Variants in KDM6B observed in about 807,000 individuals in gnomAD.
The protein encoded by KDM6B is lysine demethylase 6B, also known as lysine-specific demethylase 6B.
A neutral mutation model predicts 150.4 loss-of-function variants in KDM6B; 22 were observed. That is an observed-to-expected ratio of 0.15 (90% CI 0.10 to 0.21). The LOEUF is 0.21. Among genes scored for constraint, KDM6B ranks in the 10% least tolerant of loss-of-function variants. The probability of loss-of-function intolerance (pLI) is 1.00; values close to 1 mark genes in which losing one functional copy is unlikely to be tolerated. For missense variants in KDM6B, 1,984 were observed against 2,234.3 expected (o/e 0.89, Z 2.26); for synonymous variants, 1,148 against 921.1 (o/e 1.25, Z -4.46).
At position 7,849,569 on chromosome 17, in the gene KDM6B, C is replaced by T; in HGVS notation, c.3281C>T (p.Ser1094Leu). The change falls in exon 12 of 24, where the codon TCA becomes TTA. Residue 1094 changes from serine to leucine, a missense_variant. Ser to Leu is a moderately radical substitution (Grantham distance 145). This residue lies in a region of KDM6B where 1,379 missense variants were observed against 1,275.6 expected (regional missense o/e 1.08). Transcript: ENST00000448097. ...CGGGCCGACATGCTGAAGCTGCGCTCACTTAGTGAGGGGCCCCCCAAGGAG... is the reference window on the plus strand; with the variant it reads ...CGGGCCGACATGCTGAAGCTGCGCTTACTTAGTGAGGGGCCCCCCAAGGAG... ...VSRADMLKLR[S>L]LSEGPPKELK... The T allele has an allele frequency of 1.2e-6, 2 of 1,612,800 alleles. No homozygotes were observed. The highest frequency in any genetic ancestry group is 1.7e-6 in the Non-Finnish European group (2 of 1,179,976).
chr17:7,835,404 G>A (rs1002680139), intron 1 of KDM6B, among the ~76,000 whole-genome samples: 15 of 152,236 alleles, frequency 9.9e-5, no homozygotes, highest in Admixed American at 2.6e-4. Context: ...GCCCTGGGAG[G>A]AAGGCGGGGA....
rs967506082 is a variant in KDM6B, at chr17:7,853,552, C to T, written c.*31C>T. 6.5e-5 allele frequency: 92 copies of T among 1,407,748 alleles called. No homozygotes were observed. The highest frequency in any genetic ancestry group is 8.3e-5 in the Non-Finnish European group (90 of 1,081,382). The allele number at this position is 1,407,748 out of a possible 1,614,324, so 87.2% of individuals were successfully genotyped here. ...GACGCCCCGCCCGCCTGCCTGCCCG[C>T]GCAAGGCGCCGCGGGGCCACCAGCA... On this transcript the variant is annotated 3_prime_UTR_variant, in exon 24 of 24. Coordinates refer to ENST00000448097, the MANE Select transcript of KDM6B (RefSeq NM_001348716.2).
Position 7,853,142 on chromosome 17 carries a change from C to T in KDM6B, c.4737+16C>T. ...CGAGTGCGATGTGAGTGGGCCGGCTCTGCTGCTCTCCCTGAGTGTCCACAG... is the reference window on the plus strand; with the variant it reads ...CGAGTGCGATGTGAGTGGGCCGGCTTTGCTGCTCTCCCTGAGTGTCCACAG... On this transcript the variant is annotated intron_variant, in intron 22 of 23. Coordinates refer to ENST00000448097, the MANE Select transcript of KDM6B (RefSeq NM_001348716.2). The T allele has an allele frequency of 1.2e-6, 2 of 1,614,114 alleles. No homozygotes were observed. Among genetic ancestry groups the T allele is most frequent in the Non-Finnish European group, 1.7e-6 (2 of 1,180,008 alleles).
In KDM6B at chr17:7,843,452, T is replaced by G. The variant is rs1227985256; in HGVS notation, c.-268-1449T>G. Among the ~76,000 whole-genome samples the G allele has an allele frequency of 6.6e-6, 1 of 151,878 alleles. No individual in the cohort carries two copies. The highest frequency in any genetic ancestry group is 6.6e-5 in the Admixed American group (1 of 15,266). On this transcript the variant is annotated intron_variant, in intron 2 of 23. Transcript: ENST00000448097. This position sits in a 1 kb window ranked among gnomAD's most constrained non-coding sequence, Gnocchi z 4.5. The stretch of plus-strand genomic sequence containing the variant: ...GCGACCACAAGGGCTTGGCGGAGAG[T>G]GGCACGCAGGGACCTGTAGGGTCCA...
Position 7,849,736 on chromosome 17 carries a change from G to C in KDM6B, c.3440+8G>C, listed in dbSNP as rs143261559. 2 of 1,612,382 alleles carry C rather than the reference G, an allele frequency of 1.2e-6. No individual in the cohort carries two copies. The highest frequency in any genetic ancestry group is 2.7e-5 in the African/African-American group (2 of 75,010). On this transcript the variant is annotated splice_region_variant and intron_variant, in intron 12 of 23. Coordinates refer to ENST00000448097, the MANE Select transcript of KDM6B (RefSeq NM_001348716.2). Reference sequence around the variant, plus strand: ...CGTCGTGCGCGCCAGCAGGTGAGTCGGCTGCCTGCTTGCTTGTCCCGGAGA... The same window carrying C: ...CGTCGTGCGCGCCAGCAGGTGAGTCCGCTGCCTGCTTGCTTGTCCCGGAGA...
Position 7,850,146 on chromosome 17 carries a change from G to A in KDM6B, c.3642G>A (p.Val1214=), listed in dbSNP as rs1421328720. The A allele has an allele frequency of 1.2e-6, 2 of 1,613,650 alleles. No individual in the cohort carries two copies. The highest frequency in any genetic ancestry group is 1.1e-5 in the South Asian group (1 of 91,088). ...CAGACCCTCGAAATCCCATCACAGT[G>A]ATCCGGGGCCTGGCGGGCTCCCTGC... ...FCTDPRNPIT[V]IRGLAGSLRL... The change falls in exon 14 of 24, where the codon GTG becomes GTA. Residue 1214 remains valine, a synonymous_variant. Coordinates refer to ENST00000448097, the MANE Select transcript of KDM6B (RefSeq NM_001348716.2).
intron 1 of KDM6B, 40 bp from the exon 2 acceptor site, chr17:7,839,866 C>T (rs2078388403): frequency 6.6e-6 from 1 of 152,410 alleles, no homozygotes; most frequent in South Asian, 2.1e-4. Flanking sequence ...AATTCTCCAT[C>T]CTGGAAGACC....
rs1460923406 is a variant in KDM6B, at chr17:7,851,997, C to G, written c.4212C>G (p.Gly1404=). 1 of 1,614,100 alleles carries G rather than the reference C, an allele frequency of 6.2e-7. No individual in the cohort carries two copies. The highest frequency in any genetic ancestry group is 1.7e-5 in the Admixed American group (1 of 60,022). ...TCTGCTCCGTCAACATCAACATTGG[C>G]CCAGGCGACTGCGAGTGGTTCGCGG... The part of the protein sequence containing the change: ...NNFCSVNINI[G]PGDCEWFAVH... Residue 1404 remains glycine (G), a synonymous_variant, in exon 19 of 24, where the codon GGC becomes GGG. Transcript: ENST00000448097.
In KDM6B at chr17:7,843,637, A is replaced by G. The variant is rs954765991; in HGVS notation, c.-268-1264A>G. 1.3e-5 allele frequency among the ~76,000 whole-genome samples: 2 copies of G among 149,142 alleles called. No homozygotes were observed. The highest frequency in any genetic ancestry group is 2.1e-4 in the South Asian group (1 of 4,702). ...AGCCACCCCCAGCCCCTCGTCGCGC[A>G]CTCTCCCCCGGCTTCCTGCCCGGCG... On this transcript the variant is annotated intron_variant, in intron 2 of 23. Coordinates refer to ENST00000448097, the MANE Select transcript of KDM6B (RefSeq NM_001348716.2). The surrounding 1 kb of genome is among the most constrained non-coding windows in gnomAD (Gnocchi z 4.5).
intron 7 of KDM6B, 29 bp from the exon 8 acceptor site, chr17:7,846,371 G>GGGGGGGGGGCCGGGGCCCCCCCCC: frequency 1.3e-6 from 2 of 1,488,924 alleles, no homozygotes; most frequent in Non-Finnish European, 1.8e-6. Flanking sequence ...CCTGACATCT[G>GGGGGGGGGGCCGGGGCCCCCCCCC]CCCCTGCCCC....
chr17:7,849,996 G>C (rs1471994121), intron 13 of KDM6B, 49 bp downstream of exon 13: 1 of 1,613,566 alleles, frequency 6.2e-7, no homozygotes, highest in Non-Finnish European at 8.5e-7. Context: ...AGGGTTCTAA[G>C]ACAGTGTTGG....
rs142934776 is a variant in KDM6B at position 7,848,765 on chromosome 17, C to G, written c.2477C>G (p.Ser826Cys). Residue 826 changes from serine to cysteine, a missense_variant, in exon 12 of 24, where the codon TCC becomes TGC. Ser to Cys is a moderately radical substitution (Grantham distance 112, BLOSUM62 -1). Coordinates refer to ENST00000448097, the MANE Select transcript of KDM6B (RefSeq NM_001348716.2). Reference sequence around the variant, plus strand: ...TATCGGGGGACTGGAGCAGCTGTTTCCACCCGGCCTGGGCCCTTGCCCACC... The same window carrying G: ...TATCGGGGGACTGGAGCAGCTGTTTGCACCCGGCCTGGGCCCTTGCCCACC... ...YCYRGTGAAV[S>C]TRPGPLPTTQ... is the part of the protein sequence containing the mutation. The G allele has an allele frequency of 1.3e-4, 206 of 1,612,880 alleles. 2 individuals are homozygous for G. The Middle Eastern group carries it at 9.1e-3, about 71-fold the overall frequency.
intron 4 of KDM6B, 39 bp downstream of exon 4, chr17:7,845,495 C>T (rs1000023204): frequency 6.2e-7 from 1 of 1,608,920 alleles, no homozygotes; most frequent in South Asian, 1.1e-5. Context: ...TGGATGTACA[C>T]TGGCAGCTCT....
At position 7,847,688 on chromosome 17, in the gene KDM6B, C is replaced by T; in HGVS notation, c.1400C>T (p.Ser467Leu). 6.4e-7 allele frequency: 1 copy of T among 1,559,842 alleles called. No individual in the cohort carries two copies. The highest frequency in any genetic ancestry group is 1.4e-5 in the African/African-American group (1 of 72,602). The change falls in exon 12 of 24, where the codon TCA becomes TTA. Residue 467 changes from serine (S) to leucine (L), a missense_variant. Ser to Leu is a moderately radical substitution (Grantham distance 145). Around this residue, in one of 13 missense-constraint regions of KDM6B, gnomAD observed 1,379 missense variants for 1,275.6 expected, o/e 1.08. Transcript: ENST00000448097. ...CTATCCCTGCCACCTGGACCTTCCT[C>T]ACCCCCTCCACCCCCCTGTCCCCGC... ...PHLSLPPGPSSPPPPPCPRLL... is the reference protein window; with the variant it reads ...PHLSLPPGPSLPPPPPCPRLL...
rs767869008 is a variant in KDM6B, at chr17:7,845,942, C to T, written c.208C>T (p.His70Tyr). ...LPPSHGSSSG[H>Y]PSKPYYAPGA... ...CCCTTCACATGGCAGTAGTTCTGGG[C>T]ACCCCAGCAAACCATATTATGCTCC... The change falls in exon 6 of 24, where the codon CAC becomes TAC. Residue 70 changes from histidine (H) to tyrosine (Y), a missense_variant. His to Tyr is a moderately conservative substitution (Grantham distance 83). Around this residue, in one of 13 missense-constraint regions of KDM6B, gnomAD observed 337 missense variants for 323.9 expected, o/e 1.04. Transcript: ENST00000448097. The T allele has an allele frequency of 3.1e-6, 5 of 1,613,874 alleles. No individual in the cohort carries two copies. The highest frequency in any genetic ancestry group is 3.4e-6 in the Non-Finnish European group (4 of 1,179,870).
Position 7,854,766 on chromosome 17 carries a change from A to T in KDM6B, c.*1245A>T. ...TTTTCGGTGATTTTTGTGTGAGAAT[A>T]TTAATATTAAAAATAAACGGAGAAA... is the stretch of plus-strand genomic sequence containing the variant. On this transcript the variant is annotated 3_prime_UTR_variant, in exon 24 of 24. Transcript: ENST00000448097. 3.1e-6 allele frequency: 1 copy of T among 320,104 alleles called. No homozygotes were observed. Among genetic ancestry groups the T allele is most frequent in the African/African-American group, 2.1e-5 (1 of 46,732 alleles). The allele number at this position is 320,104 out of a possible 1,614,324, so 19.8% of individuals were successfully genotyped here. A position where few individuals can be genotyped will look rare whatever the true frequency, so the allele number is the denominator to read the frequency against.
In KDM6B at chr17:7,845,882, A is replaced by G; in HGVS notation, c.148A>G (p.Ser50Gly). ...TCCTTCTCTCTCCAGATGCTCAGCC[A>G]GCATTGGGCAGCCCCCGCTTCCTGC... ...AWLPGGRCSASIGQPPLPAPL... is the reference protein window; with the variant it reads ...AWLPGGRCSAGIGQPPLPAPL... Residue 50 changes from serine (S) to glycine (G), a missense_variant, in exon 6 of 24, where the codon AGC (serine) becomes GGC (glycine). Physicochemically the swap from Ser to Gly is moderately conservative, Grantham distance 56 (BLOSUM62 0). Transcript: ENST00000448097. 2 of 1,613,800 alleles carry G rather than the reference A, an allele frequency of 1.2e-6. No individual in the cohort carries two copies. The highest frequency in any genetic ancestry group is 1.7e-6 in the Non-Finnish European group (2 of 1,179,704).
chr17:7,838,176 C>T (rs1400293311), intron 1 of KDM6B, among the ~76,000 whole-genome samples: 1 of 95,302 alleles, frequency 1.0e-5, no homozygotes, highest in Non-Finnish European at 2.1e-5. Flanking sequence ...GGGGACAGGG[C>T]TAGGCTGAGG....
chr17:7,848,680 C>T lies in KDM6B; in HGVS notation c.2392C>T (p.Pro798Ser), dbSNP rs568165584. ...GCCACAGCCACCACCACCCCCACCC[C>T]CCAGCCCGGCCAGCCTGCTCAAATC... ...SQPQPPPPPP[P>S]SPASLLKSLA... Residue 798 changes from proline to serine, a missense_variant, in exon 12 of 24, where the codon CCC becomes TCC. Physicochemically the swap from Pro to Ser is moderately conservative, Grantham distance 74 (BLOSUM62 -1). This residue lies in a region of KDM6B where 1,379 missense variants were observed against 1,275.6 expected (regional missense o/e 1.08). Transcript: ENST00000448097. 4 of 1,611,592 alleles carry T rather than the reference C, an allele frequency of 2.5e-6. No individual in the cohort carries two copies. The East Asian group carries it at 6.7e-5, about 27-fold the overall frequency.
Sources: gnomAD v4.1 joint callset for allele counts (sites outside exome capture counted in the v4.1 genomes callset) on GRCh38, gnomAD v4.1.1 for gene constraint, gnomAD v4.1.1 regional missense constraint, Gnocchi (gnomAD v3.1) non-coding constraint, MANE v1.5 for transcripts, NCBI Gene and HGNC (gene_info 2026-07-23, HGNC 2026-07-21) for gene names.